Variants in FGF14 observed in about 807,000 individuals in gnomAD.
The protein encoded by FGF14 is fibroblast growth factor homologous factor 4.
FGF14 carries 5 observed loss-of-function variants against 25.5 expected under a neutral mutation model. The ratio of observed to expected loss-of-function variants is 0.20; its 90% confidence interval spans 0.10 to 0.41. The LOEUF is 0.41. Among genes scored for constraint, FGF14 ranks in the 10% least tolerant of loss-of-function variants. The probability of loss-of-function intolerance (pLI) is 1.00; values close to 1 mark genes in which losing one functional copy is unlikely to be tolerated. For synonymous variants in FGF14, 138 were observed against 118.3 expected (o/e 1.17, Z -1.08); for missense variants, 222 against 320.1 (o/e 0.69, Z 2.34).
chr13:102,261,766 T>C (rs1337494775), intron 1 of FGF14, among the ~76,000 whole-genome samples: 2 of 152,226 alleles, frequency 1.3e-5, no homozygotes, highest in Non-Finnish European at 2.9e-5. Context: ...AAATGATTTT[T>C]CCTATTGAAT....
At chr13:102,120,668 C>G (rs530117809) in intron 1 of FGF14, among the ~76,000 whole-genome samples, 56 of 151,990 alleles carry the variant, frequency 3.7e-4, no homozygotes, top group African/African-American at 1.1e-3. Flanking sequence ...TACAACACAG[C>G]ATAGCCTTGC....
At chr13:101,868,881 G>A in intron 2 of FGF14, 53 bp from the exon 3 acceptor site, 1 of 1,185,842 alleles carries the variant, frequency 8.4e-7, no homozygotes. Context: ...GCAGGGCAGA[G>A]TGTAATTTTT....
chr13:102,319,480 C>A (rs2056162479), intron 1 of FGF14, among the ~76,000 whole-genome samples: 2 of 152,214 alleles, frequency 1.3e-5, no homozygotes, highest in South Asian at 4.1e-4. Context: ...TTGCCCCCAC[C>A]AGCACACAGC....
At chr13:102,158,635 C>A (rs1398723382) in intron 1 of FGF14, among the ~76,000 whole-genome samples, 1 of 151,716 alleles carries the variant, frequency 6.6e-6, no homozygotes, top group East Asian at 1.9e-4. Context: ...CAGACCTGCA[C>A]ATTGTGCACA....
intron 1 of FGF14, among the ~76,000 whole-genome samples, chr13:102,201,055 C>A (rs1231356054): frequency 8.0e-6 from 1 of 125,626 alleles, no homozygotes; most frequent in Admixed American, 1.1e-4. Flanking sequence ...GAGCTGAGAT[C>A]GCGCCACTGC....
chr13:101,946,226 G>A (rs9585818), intron 1 of FGF14, among the ~76,000 whole-genome samples: 7,722 of 151,894 alleles, frequency 0.051, 648 homozygotes, highest in African/African-American at 0.18. Context: ...CCCATGCCTT[G>A]GAGCTGACTC....
chr13:102,030,286 C>A (rs2041146000), intron 1 of FGF14, among the ~76,000 whole-genome samples: 1 of 152,052 alleles, frequency 6.6e-6, no homozygotes, highest in Non-Finnish European at 1.5e-5. Flanking sequence ...TCTAATCAGT[C>A]TGCCCCAGGT....
intron 3 of FGF14, among the ~76,000 whole-genome samples, chr13:101,831,207 C>T (rs2042653038): frequency 6.6e-6 from 1 of 151,712 alleles, no homozygotes; most frequent in Admixed American, 6.6e-5. Context: ...AGAAAAGTAC[C>T]AGACGTCTAA....
chr13:101,743,239 C>A (rs769048238), intron 3 of FGF14, among the ~76,000 whole-genome samples: 7 of 152,172 alleles, frequency 4.6e-5, no homozygotes, highest in Non-Finnish European at 7.3e-5. Flanking sequence ...TTGATTGAGA[C>A]CTGTCTCAGA....
At chr13:101,745,264 C>A (rs1434967433) in intron 3 of FGF14, among the ~76,000 whole-genome samples, 3 of 151,862 alleles carry the variant, frequency 2.0e-5, no homozygotes, top group African/African-American at 7.2e-5. Context: ...TTCCCATATA[C>A]CCACTGCCCC....
chr13:101,810,343 A>C (rs1202007127), intron 3 of FGF14, among the ~76,000 whole-genome samples: 4 of 152,200 alleles, frequency 2.6e-5, no homozygotes, highest in Non-Finnish European at 4.4e-5. Flanking sequence ...GGTTTGTTTG[A>C]ATTTACTTAC....
At chr13:102,214,252 C>T (rs2050275882) in intron 1 of FGF14, among the ~76,000 whole-genome samples, 1 of 152,184 alleles carries the variant, frequency 6.6e-6, no homozygotes, top group Non-Finnish European at 1.5e-5. Context: ...CCTTCCTTTG[C>T]CATTAATTAC....
At chr13:101,989,754 T>G (rs758186314) in intron 1 of FGF14, among the ~76,000 whole-genome samples, 6 of 152,274 alleles carry the variant, frequency 3.9e-5, no homozygotes, top group Non-Finnish European at 7.4e-5. Context: ...GCCTTCTGAT[T>G]TTCTCCACAA....
intron 1 of FGF14, among the ~76,000 whole-genome samples, chr13:102,223,612 A>G (rs1393965752): frequency 1.3e-5 from 2 of 152,198 alleles, no homozygotes; most frequent in African/African-American, 4.8e-5. Context: ...GGCTTTCAGA[A>G]GGACTTTACT....
chr13:101,806,750 T>C (rs1476985719), intron 3 of FGF14, among the ~76,000 whole-genome samples: 1 of 152,160 alleles, frequency 6.6e-6, no homozygotes, highest in African/African-American at 2.4e-5. Context: ...AGCTGGATTT[T>C]TCTTTCTAAC....
At chr13:102,300,938 T>TACACACACACACACACACACACACAC (rs3066020) in intron 1 of FGF14, among the ~76,000 whole-genome samples, 1 of 76,854 alleles carries the variant, frequency 1.3e-5, no homozygotes, top group Admixed American at 1.5e-4. Flanking sequence ...CACACACACA[T>TACACACACACACACACACACACACAC]ACACACACAC....
chr13:101,792,117 C>T (rs975342018), intron 3 of FGF14, among the ~76,000 whole-genome samples: 9 of 152,164 alleles, frequency 5.9e-5, no homozygotes, highest in African/African-American at 1.9e-4. Flanking sequence ...AAGAGACTAC[C>T]TTCTTAACAG....
intron 1 of FGF14, among the ~76,000 whole-genome samples, chr13:101,915,452 C>A (rs1594712708): frequency 6.6e-6 from 1 of 152,156 alleles, no homozygotes; most frequent in Non-Finnish European, 1.5e-5. Flanking sequence ...TTCCTACCAA[C>A]CCCACTTGGT....
intron 1 of FGF14, among the ~76,000 whole-genome samples, chr13:102,326,741 AGGAAGGAAGG>A: frequency 1.0e-5 from 1 of 100,264 alleles, no homozygotes; most frequent in South Asian, 3.5e-4. Flanking sequence ...GAAGGAAGGA[AGGAAGGAAGG>A]AAAGAGGGAG....
Sources: gnomAD v4.1 joint callset for allele counts (sites outside exome capture counted in the v4.1 genomes callset) on GRCh38, gnomAD v4.1.1 for gene constraint, MANE v1.5 for transcripts, NCBI Gene and HGNC (gene_info 2026-07-23, HGNC 2026-07-21) for gene names.